The following KHDRBS2 variants were observed in gnomAD, a reference collection of about 807,000 sequenced individuals.
KHDRBS2 encodes KH domain-containing, RNA-binding, signal transduction-associated protein 2.
Under a neutral mutation model 44.3 loss-of-function variants are expected in KHDRBS2, and 26 were observed. The ratio of observed to expected loss-of-function variants is 0.59; its 90% confidence interval spans 0.43 to 0.81. KHDRBS2 has a LOEUF of 0.81. Ranked by LOEUF, KHDRBS2 falls within the 40% of genes least tolerant of loss-of-function variation. The pLI, the probability that KHDRBS2 is intolerant of heterozygous loss-of-function variation, is 0.00. For synonymous variants in KHDRBS2, 194 were observed against 151.1 expected (o/e 1.28, Z -2.08); for missense variants, 476 against 433.1 (o/e 1.10, Z -0.88).
rs1390007577 is a variant in KHDRBS2, at chr6:61,855,573, T to C, written c.810+39062A>G. Among the ~76,000 whole-genome samples the C allele has an allele frequency of 6.6e-5, 10 of 151,910 alleles. No homozygotes were observed. In the South Asian group the frequency reaches 1.9e-3, roughly 28 times the overall value. On this transcript the variant is annotated intron_variant, in intron 6 of 8. Transcript: ENST00000281156. Reference sequence around the variant, plus strand: ...ACATCTTATTTCAACCCAGCTGAAATTGATGATTCTAGGCACACTGCAAGG... The same window carrying C: ...ACATCTTATTTCAACCCAGCTGAAACTGATGATTCTAGGCACACTGCAAGG...
intron 1 of KHDRBS2, among the ~76,000 whole-genome samples, chr6:62,222,270 T>C (rs1831030665): frequency 1.4e-5 from 2 of 147,450 alleles, no homozygotes; most frequent in Non-Finnish European, 3.0e-5. Context: ...GTGGGGGTCT[T>C]GGGGAGAATG....
chr6:61,733,282 AAAG>A (rs1367981231), intron 6 of KHDRBS2, among the ~76,000 whole-genome samples: 1 of 152,134 alleles, frequency 6.6e-6, no homozygotes, highest in African/African-American at 2.4e-5. Context: ...ACTAAAAAGG[AAAG>A]AAGGAGTGAA....
At chr6:61,773,303 T>C (rs1373705435) in intron 6 of KHDRBS2, among the ~76,000 whole-genome samples, 1 of 152,170 alleles carries the variant, frequency 6.6e-6, no homozygotes, top group Non-Finnish European at 1.5e-5. Context: ...CCAGCACCTG[T>C]TGTTTCCTGA....
At chr6:61,759,338 T>A (rs187675886) in intron 6 of KHDRBS2, among the ~76,000 whole-genome samples, 4 of 152,296 alleles carry the variant, frequency 2.6e-5, no homozygotes, top group Non-Finnish European at 2.9e-5. Context: ...TTTTTTGTGA[T>A]CCTTTATGTG....
At chr6:61,605,271 T>G in the KHDRBS2 span, among the ~76,000 whole-genome samples, 1 of 152,116 alleles carries the variant, frequency 6.6e-6, no homozygotes, top group Admixed American at 6.6e-5. Flanking sequence ...TGTCTAGTCA[T>G]ATTCCTATTC....
At chr6:62,248,617 C>T (rs1228621586) in intron 1 of KHDRBS2, among the ~76,000 whole-genome samples, 1 of 152,016 alleles carries the variant, frequency 6.6e-6, no homozygotes, top group Non-Finnish European at 1.5e-5. Flanking sequence ...CTCAGCCTCC[C>T]AAAGTGCTGG....
chr6:61,861,274 T>A (rs1479790179), intron 6 of KHDRBS2, among the ~76,000 whole-genome samples: 1 of 152,004 alleles, frequency 6.6e-6, no homozygotes, highest in African/African-American at 2.4e-5. Context: ...GTGTCTTTGT[T>A]ATGAAATCTT....
intron 6 of KHDRBS2, among the ~76,000 whole-genome samples, chr6:61,777,821 TTTTA>T (rs538627755): frequency 1.1e-4 from 16 of 152,028 alleles, no homozygotes; most frequent in South Asian, 2.1e-4. Flanking sequence ...AAGATTAAGA[TTTTA>T]TTTATTTATT....
intron 1 of KHDRBS2, among the ~76,000 whole-genome samples, chr6:62,264,437 T>C (rs1278940304): frequency 1.3e-5 from 2 of 151,826 alleles, no homozygotes; most frequent in Non-Finnish European, 2.9e-5. Flanking sequence ...TACATTCCAA[T>C]TTAAACAGAA....
At chr6:61,602,834 G>A in the KHDRBS2 span, among the ~76,000 whole-genome samples, 1 of 151,944 alleles carries the variant, frequency 6.6e-6, no homozygotes, top group African/African-American at 2.4e-5. Context: ...CTCCTTTTTA[G>A]TTATCCCCAC....
At chr6:61,720,422 C>A (rs577123280) in intron 7 of KHDRBS2, among the ~76,000 whole-genome samples, 5 of 152,204 alleles carry the variant, frequency 3.3e-5, no homozygotes, top group Non-Finnish European at 5.9e-5. Flanking sequence ...TATTTCTCCA[C>A]ATCCTCTCCA....
intron 6 of KHDRBS2, among the ~76,000 whole-genome samples, chr6:61,752,673 A>G: frequency 9.5e-6 from 1 of 104,784 alleles, no homozygotes; most frequent in African/African-American, 4.3e-5. Flanking sequence ...GTGGTATACA[A>G]AAAAAAAAAA....
At chr6:61,817,734 C>T (rs1297327670) in intron 6 of KHDRBS2, among the ~76,000 whole-genome samples, 1 of 151,906 alleles carries the variant, frequency 6.6e-6, no homozygotes, top group Non-Finnish European at 1.5e-5. Flanking sequence ...CCCTACTAAC[C>T]TTTACATAGA....
At chr6:61,945,203 T>A (rs1219298582) in intron 4 of KHDRBS2, among the ~76,000 whole-genome samples, 5 of 117,134 alleles carry the variant, frequency 4.3e-5, no homozygotes, top group Non-Finnish European at 1.9e-5. Flanking sequence ...ATTTTATTAA[T>A]GATTAAAAAT....
chr6:61,703,252 G>A (rs1486584250), intron 7 of KHDRBS2, among the ~76,000 whole-genome samples: 1 of 151,592 alleles, frequency 6.6e-6, no homozygotes, highest in African/African-American at 2.4e-5. Flanking sequence ...AAAGTATACA[G>A]CCAACTTTTG....
chr6:61,945,109 A>ATGTATATAT (rs1256689275), intron 4 of KHDRBS2, among the ~76,000 whole-genome samples: 9 of 36,580 alleles, frequency 2.5e-4, no homozygotes, highest in Non-Finnish European at 3.1e-4. Flanking sequence ...AAAAAAAAAA[A>ATGTATATAT]AAAGTATATA....
Position 62,284,778 on chromosome 6 carries a change from G to A in KHDRBS2, c.91+1080C>T, listed in dbSNP as rs568253140. Reference sequence around the variant, plus strand: ...TCATAAATTAAAAAATATAGCTAATGCCTATTTAAATCATATATTGAGGAG... The same window carrying A: ...TCATAAATTAAAAAATATAGCTAATACCTATTTAAATCATATATTGAGGAG... On this transcript the variant is annotated intron_variant, in intron 1 of 8. Transcript: ENST00000281156. Among the ~76,000 whole-genome samples, 7 of 152,170 alleles carry A rather than the reference G, an allele frequency of 4.6e-5. 1 individual carries two copies. The South Asian group carries it at 1.0e-3, about 23-fold the overall frequency.
chr6:62,261,922 C>T (rs62414796), intron 1 of KHDRBS2, among the ~76,000 whole-genome samples: 31,916 of 151,478 alleles, frequency 0.21, 4,336 homozygotes, highest in African/African-American at 0.39. Context: ...AATACATGAG[C>T]GTATACCTGG....
chr6:62,016,309 A>G lies in KHDRBS2; in HGVS notation c.336+31569T>C, dbSNP rs76881842. 4.8e-4 allele frequency among the ~76,000 whole-genome samples: 73 copies of G among 152,110 alleles called. 1 individual carries two copies. In the East Asian group the frequency reaches 0.014, roughly 29 times the overall value. ...GTGAGACTGAATTGCTTGTATCCTT[A>G]TCTAGTACAGAAAATTTACTTCTAG... On this transcript the variant is annotated intron_variant, in intron 3 of 8. Transcript: ENST00000281156.
Sources: gnomAD v4.1 joint callset for allele counts (sites outside exome capture counted in the v4.1 genomes callset) on GRCh38, gnomAD v4.1.1 for gene constraint, MANE v1.5 for transcripts, NCBI Gene and HGNC (gene_info 2026-07-23, HGNC 2026-07-21) for gene names.